PRKG1: variants seen among roughly 807,000 people sequenced by gnomAD.
The protein encoded by PRKG1 is cGMP-dependent protein kinase 1.
PRKG1 carries 35 observed loss-of-function variants against 88.1 expected under a neutral mutation model. The observed-to-expected ratio is 0.40, with a 90% CI of 0.30 to 0.53. The LOEUF (loss-of-function observed/expected upper bound fraction) is 0.53. Ranked by LOEUF, PRKG1 falls within the 20% of genes least tolerant of loss-of-function variation. The pLI is 0.59. For missense variants in PRKG1, 540 were observed against 839.8 expected (o/e 0.64, Z 4.41); for synonymous variants, 303 against 292.5 (o/e 1.04, Z -0.37).
intron 5 of PRKG1, among the ~76,000 whole-genome samples, chr10:51,977,256 T>C (rs2133101358): frequency 6.6e-6 from 1 of 152,218 alleles, no homozygotes; most frequent in South Asian, 2.1e-4. Flanking sequence ...TTGCTAAGAA[T>C]AATGGCCTCC....
intron 3 of PRKG1, among the ~76,000 whole-genome samples, chr10:51,685,132 C>A (rs1840954622): frequency 6.6e-6 from 1 of 152,158 alleles, no homozygotes; most frequent in South Asian, 2.1e-4. Flanking sequence ...CCTAATATTT[C>A]TCCACATTCA....
At chr10:51,012,472 A>G (rs1589106092) in intron 1 of PRKG1, among the ~76,000 whole-genome samples, 2 of 152,220 alleles carry the variant, frequency 1.3e-5, no homozygotes, top group Non-Finnish European at 2.9e-5. Flanking sequence ...AGAGTTCCAT[A>G]CCAGTCTACC....
At chr10:51,414,438 C>CT (rs1838184549) in intron 2 of PRKG1, among the ~76,000 whole-genome samples, 1 of 152,250 alleles carries the variant, frequency 6.6e-6, no homozygotes, top group Non-Finnish European at 1.5e-5. Context: ...TCAGGCTTAA[C>CT]TTTTTTGTCA....
At chr10:51,735,329 A>G (rs939900557) in intron 3 of PRKG1, among the ~76,000 whole-genome samples, 1 of 152,090 alleles carries the variant, frequency 6.6e-6, no homozygotes. Flanking sequence ...AGCTTGATGT[A>G]TGTTTTATTT....
intron 2 of PRKG1, among the ~76,000 whole-genome samples, chr10:51,229,289 A>G (rs1838773459): frequency 6.6e-6 from 1 of 152,198 alleles, no homozygotes; most frequent in South Asian, 2.1e-4. Flanking sequence ...ATGAGTGAAT[A>G]AATGATATAT....
At chr10:51,042,309 C>A (rs1043460472) in intron 1 of PRKG1, among the ~76,000 whole-genome samples, 1 of 152,192 alleles carries the variant, frequency 6.6e-6, no homozygotes, top group African/African-American at 2.4e-5. Context: ...TGTTAAAGGA[C>A]AAGTTAACCA....
chr10:51,428,930 G>A lies in PRKG1; in HGVS notation c.479-38793G>A, dbSNP rs138300552. On this transcript the variant is annotated intron_variant, in intron 2 of 17. Coordinates refer to ENST00000373980, the MANE Select transcript of PRKG1 (RefSeq NM_006258.4). ...GAATAAGACAGCCATTGTGTGCATTGAGGGCTCATACATCCCTATAGTTCT... is the reference window on the plus strand; with the variant it reads ...GAATAAGACAGCCATTGTGTGCATTAAGGGCTCATACATCCCTATAGTTCT... 2.9e-3 allele frequency among the ~76,000 whole-genome samples: 437 copies of A among 152,266 alleles called. 3 individuals are homozygous for A. Among genetic ancestry groups the A allele is most frequent in the Middle Eastern group, 0.024 (7 of 294 alleles).
intron 9 of PRKG1, among the ~76,000 whole-genome samples, chr10:52,173,291 C>G (rs775560397): frequency 2.6e-5 from 4 of 151,978 alleles, no homozygotes; most frequent in African/African-American, 4.8e-5. Context: ...ATTAAGTAAG[C>G]CTTTAGAAAA....
At chr10:52,191,329 ATTTTTT>A (rs34410355) in intron 9 of PRKG1, among the ~76,000 whole-genome samples, 1 of 138,336 alleles carries the variant, frequency 7.2e-6, no homozygotes, top group African/African-American at 2.6e-5. Context: ...TGCTCCAGCT[ATTTTTT>A]TTTTTTTTTT....
intron 5 of PRKG1, among the ~76,000 whole-genome samples, chr10:51,920,572 T>A (rs1158338432): frequency 6.6e-6 from 1 of 152,180 alleles, no homozygotes; most frequent in Non-Finnish European, 1.5e-5. Flanking sequence ...TATGCATATA[T>A]GTGTGTGTTT....
chr10:51,294,414 A>G (rs1229193904), intron 2 of PRKG1, among the ~76,000 whole-genome samples: 4 of 152,054 alleles, frequency 2.6e-5, no homozygotes, highest in Non-Finnish European at 5.9e-5. Flanking sequence ...GTTGAGTTCA[A>G]TTTCATTCTT....
chr10:51,922,697 T>A (rs958613103), intron 5 of PRKG1, among the ~76,000 whole-genome samples: 3 of 152,000 alleles, frequency 2.0e-5, no homozygotes, highest in African/African-American at 7.2e-5. Flanking sequence ...CCATTACTTT[T>A]AGAATTTTCC....
chr10:51,554,371 CAT>C (rs1266724804), intron 3 of PRKG1, among the ~76,000 whole-genome samples: 3 of 143,160 alleles, frequency 2.1e-5, no homozygotes, highest in Admixed American at 1.4e-4. Flanking sequence ...CGTATATACA[CAT>C]ATATAATATA....
At chr10:51,140,403 T>G (rs1002777342) in intron 1 of PRKG1, among the ~76,000 whole-genome samples, 1 of 152,146 alleles carries the variant, frequency 6.6e-6, no homozygotes, top group East Asian at 1.9e-4. Context: ...GTTGAATGAA[T>G]AAATGAATCA....
intron 4 of PRKG1, among the ~76,000 whole-genome samples, chr10:51,826,411 G>T (rs1474545751): frequency 6.6e-6 from 1 of 152,170 alleles, no homozygotes; most frequent in Non-Finnish European, 1.5e-5. Context: ...TGGGAACCAA[G>T]AATCTTTCAC....
chr10:51,522,837 TACTC>T (rs1397822432), intron 3 of PRKG1, among the ~76,000 whole-genome samples: 2 of 152,172 alleles, frequency 1.3e-5, no homozygotes, highest in African/African-American at 4.8e-5. Context: ...GATACATTCT[TACTC>T]ATATTATTTA....
intron 3 of PRKG1, among the ~76,000 whole-genome samples, chr10:51,476,548 C>A (rs1840201948): frequency 6.6e-6 from 1 of 151,988 alleles, no homozygotes; most frequent in African/African-American, 2.4e-5. Flanking sequence ...TTGTCTATAA[C>A]CTTCTGAGTG....
At chr10:52,056,887 G>A (rs1039463131) in intron 6 of PRKG1, among the ~76,000 whole-genome samples, 4 of 152,066 alleles carry the variant, frequency 2.6e-5, no homozygotes, top group Non-Finnish European at 4.4e-5. Flanking sequence ...AGAAGCAGAA[G>A]GTGAGGTCAG....
intron 4 of PRKG1, among the ~76,000 whole-genome samples, chr10:51,823,605 T>C (rs1033744970): frequency 4.0e-5 from 5 of 125,426 alleles, no homozygotes; most frequent in African/African-American, 1.5e-4. Flanking sequence ...AATTCATCCA[T>C]GAATTTATCT....
Sources: allele counts gnomAD v4.1 joint callset (sites outside exome capture counted in the v4.1 genomes callset), GRCh38; gene constraint gnomAD v4.1.1; transcripts MANE v1.5; gene names NCBI Gene and HGNC (gene_info 2026-07-23, HGNC 2026-07-21).